Variants in KCNQ1OT1 observed in about 807,000 individuals in gnomAD.
The protein encoded by KCNQ1OT1 is KCNQ1 antisense RNA 2 (non-protein coding).
exon 1 of KCNQ1OT1, chr11:2,662,356 G>A: frequency 1.8e-6 from 1 of 557,392 alleles, no homozygotes; most frequent in Non-Finnish European, 3.2e-6. Context: ...TTGAGAGTCT[G>A]AGATTGTTTT....
rs1331127740 is a variant in KCNQ1OT1 at position 2,608,748 on chromosome 11, C to G, written n.91247G>C. 5.0e-6 allele frequency: 2 copies of G among 398,548 alleles called. No homozygotes were observed. The highest frequency in any genetic ancestry group is 4.1e-5 in the African/African-American group (2 of 48,606). 24.7% of individuals were successfully genotyped at this position (398,548 alleles called of 1,614,324 possible). On this transcript the variant is annotated non_coding_transcript_exon_variant, in exon 1 of 1. Coordinates refer to ENST00000597346, the Ensembl canonical transcript of KCNQ1OT1. This position sits in a 1 kb window ranked among gnomAD's most constrained non-coding sequence, Gnocchi z 4.6. ...AAGCAATTCTCCTGCCTTGGCCTCC[C>G]AAAGTGCTGGGATTACAGGTGTGAG...
In KCNQ1OT1 at chr11:2,659,353, A is replaced by C; in HGVS notation, n.40642T>G. The C allele has an allele frequency of 2.5e-6, 1 of 398,610 alleles. No individual in the cohort carries two copies. The highest frequency in any genetic ancestry group is 3.6e-5 in the East Asian group (1 of 28,072). 24.7% of individuals were successfully genotyped at this position (398,610 alleles called of 1,614,324 possible). ...AATGTCCTATAAATGGGATCCTATA[A>C]TATGTATTCTTTTGCATCTGGCTTC... On this transcript the variant is annotated non_coding_transcript_exon_variant, in exon 1 of 1. Transcript: ENST00000597346. The surrounding 1 kb of genome is among the most constrained non-coding windows in gnomAD (Gnocchi z 4.3).
chr11:2,614,731 A>G (rs1390446633), exon 1 of KCNQ1OT1: 7 of 398,344 alleles, frequency 1.8e-5, no homozygotes, highest in East Asian at 1.1e-4. Context: ...CCATTGGTCT[A>G]TATGTCCATC....
chr11:2,612,074 A>C lies in KCNQ1OT1; in HGVS notation n.87921T>G, dbSNP rs1589981016. 11 of 398,580 alleles carry C rather than the reference A, an allele frequency of 2.8e-5. No individual in the cohort carries two copies. The East Asian group carries it at 3.6e-4, about 13-fold the overall frequency. The allele number at this position is 398,580 out of a possible 1,614,324, so 24.7% of individuals were successfully genotyped here. ...TATGTTACAACTTAATTACACATAC[A>C]TTGTTACACATCCTGTTAGGACAGG... On this transcript the variant is annotated non_coding_transcript_exon_variant, in exon 1 of 1. Coordinates refer to ENST00000597346, the Ensembl canonical transcript of KCNQ1OT1. The surrounding 1 kb of genome is among the most constrained non-coding windows in gnomAD (Gnocchi z 5.5).
Position 2,626,959 on chromosome 11 carries a change from A to G in KCNQ1OT1, n.73036T>C, listed in dbSNP as rs907109021. The G allele has an allele frequency of 2.5e-6, 1 of 398,608 alleles. No individual in the cohort carries two copies. The highest frequency in any genetic ancestry group is 4.4e-6 in the Non-Finnish European group (1 of 226,072). The allele number at this position is 398,608 out of a possible 1,614,324, so 24.7% of individuals were successfully genotyped here. ...GATGGGGTTTCTTCTTTCTGCAAAT[A>G]ACATCATTAGGATTTTTATTGGGAT... On this transcript the variant is annotated non_coding_transcript_exon_variant, in exon 1 of 1. Coordinates refer to ENST00000597346, the Ensembl canonical transcript of KCNQ1OT1. This position sits in a 1 kb window ranked among gnomAD's most constrained non-coding sequence, Gnocchi z 4.0.
Position 2,683,144 on chromosome 11 carries a change from C to T in KCNQ1OT1, n.16851G>A. ...CAACTCAGGAGGGTGTGGGGATGGG[C>T]TAGCATTAGGAATGGGTATTAGCAT... On this transcript the variant is annotated non_coding_transcript_exon_variant, in exon 1 of 1. Coordinates refer to ENST00000597346, the Ensembl canonical transcript of KCNQ1OT1. This position sits in a 1 kb window ranked among gnomAD's most constrained non-coding sequence, Gnocchi z 4.7. 2 of 398,566 alleles carry T rather than the reference C, an allele frequency of 5.0e-6. No individual in the cohort carries two copies. The highest frequency in any genetic ancestry group is 8.8e-6 in the Non-Finnish European group (2 of 226,088). 24.7% of individuals were successfully genotyped at this position (398,566 alleles called of 1,614,324 possible).
exon 1 of KCNQ1OT1, chr11:2,639,083 C>T (rs185988820): frequency 6.6e-6 from 1 of 152,160 alleles, no homozygotes; most frequent in Non-Finnish European, 1.5e-5. Flanking sequence ...TTAAGGACTT[C>T]TCTACACTGG....
At position 2,661,623 on chromosome 11, in the gene KCNQ1OT1, T is replaced by G. The variant is rs1849957891; in HGVS notation, n.38372A>C. The G allele has an allele frequency of 1.7e-6, 1 of 589,396 alleles. No individual in the cohort carries two copies. The highest frequency in any genetic ancestry group is 3.0e-6 in the Non-Finnish European group (1 of 331,010). 36.5% of individuals were successfully genotyped at this position (589,396 alleles called of 1,614,324 possible). On this transcript the variant is annotated non_coding_transcript_exon_variant, in exon 1 of 1. Coordinates refer to ENST00000597346, the Ensembl canonical transcript of KCNQ1OT1. The surrounding 1 kb of genome is among the most constrained non-coding windows in gnomAD (Gnocchi z 5.9). ...AGGCCTGTGCCTGTCACCTCTGTTT[T>G]ATTCTTGACCCAAGTGTCAGTTGTG...
exon 1 of KCNQ1OT1, chr11:2,648,786 T>C: frequency 2.5e-6 from 1 of 398,530 alleles, no homozygotes; most frequent in Non-Finnish European, 4.4e-6. Flanking sequence ...AAATGAATTG[T>C]CCAATGCTGA....
chr11:2,632,634 T>G (rs1258008049), exon 1 of KCNQ1OT1: 1 of 398,290 alleles, frequency 2.5e-6, no homozygotes. Context: ...ATTAGCATAT[T>G]CATCAACTCA....
chr11:2,668,646 A>G lies in KCNQ1OT1; in HGVS notation n.31349T>C, dbSNP rs61870801. The G allele has an allele frequency of 0.077, 30,560 of 398,508 alleles. 1,311 individuals are homozygous for G. The highest frequency in any genetic ancestry group is 0.12 in the African/African-American group (5,753 of 48,698). The allele number at this position is 398,508 out of a possible 1,614,324, so 24.7% of individuals were successfully genotyped here. ...GTTTTATGTTTATTTATGGTCCTAT[A>G]TATCTTTAGATATTCTGGAGTCATT... is the stretch of plus-strand genomic sequence containing the variant. On this transcript the variant is annotated non_coding_transcript_exon_variant, in exon 1 of 1. Coordinates refer to ENST00000597346, the Ensembl canonical transcript of KCNQ1OT1. This position sits in a 1 kb window ranked among gnomAD's most constrained non-coding sequence, Gnocchi z 4.3.
exon 1 of KCNQ1OT1, chr11:2,615,904 C>T: frequency 2.5e-6 from 1 of 398,002 alleles, no homozygotes; most frequent in Non-Finnish European, 4.4e-6. Context: ...GTTTTTTCTC[C>T]TCTGTTTTTT....
exon 1 of KCNQ1OT1, chr11:2,648,981 C>CTTTTTTTTTTTTTTTTTTTTTTTCT: frequency 4.7e-6 from 1 of 213,306 alleles, no homozygotes; most frequent in Non-Finnish European, 7.8e-6. Context: ...TTTTCTTTTT[C>CTTTTTTTTTTTTTTTTTTTTTTTCT]TTTTTTTTTT....
chr11:2,620,952 T>TG lies in KCNQ1OT1; in HGVS notation n.79042_79043insC, dbSNP rs538273950. The TG allele has an allele frequency of 2.7e-4, 106 of 397,868 alleles. No individual in the cohort carries two copies. In the South Asian group the frequency reaches 6.5e-3, roughly 25 times the overall value. 24.6% of individuals were successfully genotyped at this position (397,868 alleles called of 1,614,324 possible). On this transcript the variant is annotated non_coding_transcript_exon_variant, in exon 1 of 1. Coordinates refer to ENST00000597346, the Ensembl canonical transcript of KCNQ1OT1. The surrounding 1 kb of genome is among the most constrained non-coding windows in gnomAD (Gnocchi z 4.5). ...TTGTTGTTGTTGTTTTGTTTTGTTT[T>TG]TTTTTGTCTGTTTTTTGCTTTTTTG... is the stretch of plus-strand genomic sequence containing the variant.
chr11:2,633,619 G>C (rs955903566), exon 1 of KCNQ1OT1: 2 of 398,430 alleles, frequency 5.0e-6, no homozygotes, highest in South Asian at 1.3e-4. Flanking sequence ...TGTTCAACAT[G>C]GTGTCCTTTC....
exon 1 of KCNQ1OT1, chr11:2,637,762 T>G (rs1347009159): frequency 6.6e-6 from 1 of 152,200 alleles, no homozygotes. Context: ...TCTTGTTGAT[T>G]TGTCTAATGT....
In KCNQ1OT1 at chr11:2,620,224, A is replaced by AT. The variant is rs1346302503; in HGVS notation, n.79770dup. Reference sequence around the variant, plus strand: ...GTATATATATATATTTTTTTTTTTTATTTTTTTTTTAGACGGAGTTTCGCT... The same window carrying AT: ...GTATATATATATATTTTTTTTTTTTATTTTTTTTTTTAGACGGAGTTTCGCT... On this transcript the variant is annotated non_coding_transcript_exon_variant, in exon 1 of 1. Transcript: ENST00000597346. This position sits in a 1 kb window ranked among gnomAD's most constrained non-coding sequence, Gnocchi z 4.5. 636 of 224,934 alleles carry AT rather than the reference A, an allele frequency of 2.8e-3. 1 individual carries two copies. Among genetic ancestry groups the AT allele is most frequent in the Middle Eastern group, 4.5e-3 (3 of 674 alleles). 13.9% of individuals were successfully genotyped at this position (224,934 alleles called of 1,614,324 possible).
Position 2,624,002 on chromosome 11 carries a change from C to G in KCNQ1OT1, n.75993G>C. ...TTACATTCCCATTAATGGTATATGTCAAAGTGGCTGTACCATTTTGCATTC... is the reference window on the plus strand; with the variant it reads ...TTACATTCCCATTAATGGTATATGTGAAAGTGGCTGTACCATTTTGCATTC... On this transcript the variant is annotated non_coding_transcript_exon_variant, in exon 1 of 1. Transcript: ENST00000597346. The surrounding 1 kb of genome is among the most constrained non-coding windows in gnomAD (Gnocchi z 4.9). 2.5e-6 allele frequency: 1 copy of G among 399,064 alleles called. No individual in the cohort carries two copies. The allele number at this position is 399,064 out of a possible 1,614,324, so 24.7% of individuals were successfully genotyped here. A position where few individuals can be genotyped will look rare whatever the true frequency, so the allele number is the denominator to read the frequency against.
chr11:2,666,951 G>A (rs921034117), exon 1 of KCNQ1OT1: 2 of 398,636 alleles, frequency 5.0e-6, no homozygotes, highest in Admixed American at 4.4e-5. Flanking sequence ...TGCACGAGAT[G>A]CCAAGGAAGC....
Sources: allele counts gnomAD v4.1 joint callset, GRCh38; gene constraint gnomAD v4.1.1; non-coding constraint Gnocchi (gnomAD v3.1); transcripts MANE v1.5; gene names NCBI Gene and HGNC (gene_info 2026-07-23, HGNC 2026-07-21).